ARID3C: variants seen among roughly 807,000 people sequenced by gnomAD.
The protein encoded by ARID3C is AT-rich interactive domain-containing protein 3C.
ARID3C carries 42 observed loss-of-function variants against 37.9 expected under a neutral mutation model. The ratio of observed to expected loss-of-function variants is 1.11; its 90% confidence interval spans 0.87 to 1.43. The LOEUF (loss-of-function observed/expected upper bound fraction) is 1.43, where lower values mean the gene tolerates loss of function less well. ARID3C is among the 40% of genes most tolerant of loss of function. The pLI, the probability that ARID3C is intolerant of heterozygous loss-of-function variation, is 0.00. For missense variants in ARID3C, 581 were observed against 548.8 expected, an observed-to-expected ratio of 1.06 and a Z score of -0.59; for synonymous variants, 213 against 228.0, an observed-to-expected ratio of 0.93 and a Z score of 0.59.
chr9:34,623,440 T>C, exon 4 of ARID3C: 9 of 1,522,562 alleles, frequency 5.9e-6, no homozygotes, highest in Middle Eastern at 1.8e-4. Context: ...TTAATAGGGC[T>C]TGGACTCAGC....
exon 3 of ARID3C, chr9:34,623,876 G>C (rs778108570): frequency 6.3e-7 from 1 of 1,597,836 alleles, no homozygotes; most frequent in South Asian, 1.1e-5. Context: ...GGTGCGTAGA[G>C]TGAAGGCGGC....
At chr9:34,623,573 C>T in exon 4 of ARID3C, 5 of 1,607,266 alleles carry the variant, frequency 3.1e-6, no homozygotes, top group Non-Finnish European at 4.2e-6. Context: ...GAGGGGGCGG[C>T]CCTGCCAAGC....
intron 6 of ARID3C, 64 bp from the exon 8 acceptor site, chr9:34,621,622 CAG>C: frequency 8.3e-7 from 1 of 1,199,398 alleles, no homozygotes; most frequent in South Asian, 1.4e-5. Context: ...GGTATGGAAA[CAG>C]AAGAGGGGAA....
upstream of ARID3C, among the ~76,000 whole-genome samples, chr9:34,629,489 T>A (rs1209778080): frequency 6.6e-6 from 1 of 152,234 alleles, no homozygotes; most frequent in Non-Finnish European, 1.5e-5. Context: ...TGCTGGGGTG[T>A]GCGTGGAGGG....
At chr9:34,628,328 G>T (rs933828452), upstream of ARID3C, among the ~76,000 whole-genome samples, 1 of 152,196 alleles carries the variant, frequency 6.6e-6, no homozygotes, top group African/African-American at 2.4e-5. The surrounding 1 kb of genome is among the most constrained non-coding windows in gnomAD (Gnocchi z 5.2). Context: ...GGGAAATGGT[G>T]AAGGAAGGGA....
upstream of ARID3C, among the ~76,000 whole-genome samples, chr9:34,628,909 G>T (rs908423229): frequency 1.3e-5 from 2 of 152,046 alleles, no homozygotes; most frequent in African/African-American, 4.8e-5. This position sits in a 1 kb window ranked among gnomAD's most constrained non-coding sequence, Gnocchi z 5.2. Flanking sequence ...CCCCGCGGCC[G>T]CACTCACCTG....
chr9:34,622,674 C>G, intron 4 of ARID3C, 145 bp from the exon 6 acceptor site: 1 of 860,368 alleles, frequency 1.2e-6, no homozygotes, highest in Non-Finnish European at 1.7e-6. Flanking sequence ...CATCCAGAGC[C>G]TCAGCCTGGA....
At chr9:34,631,690 C>T (rs1820724480), upstream of ARID3C, among the ~76,000 whole-genome samples, 2 of 152,302 alleles carry the variant, frequency 1.3e-5, no homozygotes. Context: ...TTACCTATTG[C>T]TGTGTAACAA....
At chr9:34,630,265 G>A (rs1051072098), upstream of ARID3C, among the ~76,000 whole-genome samples, 2 of 152,088 alleles carry the variant, frequency 1.3e-5, no homozygotes, top group African/African-American at 4.8e-5. Flanking sequence ...TTCCCAAGAC[G>A]CTGAAATGCT....
upstream of ARID3C, chr9:34,628,223 C>T (rs1478913146): frequency 3.4e-6 from 2 of 594,238 alleles, no homozygotes; most frequent in South Asian, 6.5e-5. This position sits in a 1 kb window ranked among gnomAD's most constrained non-coding sequence, Gnocchi z 5.2. Flanking sequence ...CAGAGGTGAA[C>T]AGAAACAGGA....
exon 1 of ARID3C, chr9:34,627,831 TCTC>T (rs1418926018): frequency 6.2e-7 from 1 of 1,610,732 alleles, no homozygotes; most frequent in South Asian, 1.1e-5. Context: ...TCCTCCCGCT[TCTC>T]CTCATCTTCT....
chr9:34,624,155 G>A (rs1263084323), intron 2 of ARID3C, 108 bp from the exon 4 acceptor site: 1 of 1,333,866 alleles, frequency 7.5e-7, no homozygotes, highest in Non-Finnish European at 1.0e-6. Flanking sequence ...GAAAGAGGGA[G>A]ACTTGGGCGG....
intron 6 of ARID3C, 123 bp from the exon 8 acceptor site, chr9:34,621,681 C>T (rs1820564590): frequency 4.1e-6 from 3 of 735,686 alleles, no homozygotes; most frequent in Non-Finnish European, 4.5e-6. Context: ...CGTACCCCTG[C>T]CACAAACCAA....
At chr9:34,624,110 G>T in intron 2 of ARID3C, 63 bp from the exon 4 acceptor site, 1 of 1,499,620 alleles carries the variant, frequency 6.7e-7, no homozygotes, top group South Asian at 1.2e-5. Context: ...GCATCCCCAG[G>T]GACTGATACA....
chr9:34,627,927 G>A, exon 1 of ARID3C: 1 of 1,554,954 alleles, frequency 6.4e-7, no homozygotes, highest in South Asian at 1.2e-5. Flanking sequence ...GGCAGGGGAG[G>A]CTGCGGTGGC....
chr9:34,628,523 A>G (rs1244767737), upstream of ARID3C, among the ~76,000 whole-genome samples: 1 of 151,994 alleles, frequency 6.6e-6, no homozygotes, highest in Non-Finnish European at 1.5e-5. This position sits in a 1 kb window ranked among gnomAD's most constrained non-coding sequence, Gnocchi z 5.2. Context: ...ATGGAGAGAG[A>G]TAGAATATTG....
At chr9:34,632,964 C>T (rs950583099), upstream of ARID3C, among the ~76,000 whole-genome samples, 1 of 152,060 alleles carries the variant, frequency 6.6e-6, no homozygotes, top group African/African-American at 2.4e-5. Flanking sequence ...GGTAAAGTCA[C>T]AGAATCACCT....
intron 5 of ARID3C, 33 bp downstream of exon 6, chr9:34,622,314 C>T (rs1466777702): frequency 2.5e-6 from 4 of 1,583,208 alleles, no homozygotes; most frequent in African/African-American, 2.7e-5. Flanking sequence ...AGTGTACAGT[C>T]CCGAAGCCCC....
intron 2 of ARID3C, 62 bp from the exon 4 acceptor site, chr9:34,624,109 G>A: frequency 1.3e-6 from 2 of 1,504,434 alleles, no homozygotes; most frequent in Non-Finnish European, 1.8e-6. Flanking sequence ...AGCATCCCCA[G>A]GGACTGATAC....
Sources: allele counts gnomAD v4.1 joint callset (sites outside exome capture counted in the v4.1 genomes callset), GRCh38; gene constraint gnomAD v4.1.1; non-coding constraint Gnocchi (gnomAD v3.1); transcripts MANE v1.5; gene names NCBI Gene and HGNC (gene_info 2026-07-23, HGNC 2026-07-21).